Variants in SPTBN5 observed in about 807,000 individuals in gnomAD.
SPTBN5 encodes the protein spectrin beta, non-erythrocytic 5, also known as spectrin beta chain, non-erythrocytic 5.
SPTBN5 carries 513 observed loss-of-function variants against 477.6 expected under a neutral mutation model. The ratio of observed to expected loss-of-function variants is 1.07; its 90% CI spans 1.00 to 1.16. The LOEUF (loss-of-function observed/expected upper bound fraction) is 1.16. SPTBN5 is among the 50% of genes most tolerant of loss of function. The pLI, the probability that SPTBN5 is intolerant of heterozygous loss-of-function variation, is 0.00. For missense variants in SPTBN5, 5,062 were observed against 4,731.8 expected, an observed-to-expected ratio of 1.07 and a Z score of -2.05; for synonymous variants, 2,169 against 2,011.7, an observed-to-expected ratio of 1.08 and a Z score of -2.09.
Position 41,858,956 on chromosome 15 carries a change from G to C in SPTBN5, c.8013C>G (p.Ala2671=). 6.3e-7 allele frequency: 1 copy of C among 1,581,704 alleles called. No individual in the cohort carries two copies. The highest frequency in any genetic ancestry group is 8.6e-7 in the Non-Finnish European group (1 of 1,162,814). ...CCTCCAGGCGATGGCGGCGGGTCCC[G>C]GCTTGCCTGAAGAGCGCCTCCTTCC... The part of the protein sequence containing the change: ...LLRKEALFRQ[A]GTRRHRLEEL... The change falls in exon 48 of 68, where the codon GCC becomes GCG. Residue 2671 remains alanine, a synonymous_variant. Coordinates refer to ENST00000320955, the MANE Select transcript of SPTBN5 (RefSeq NM_016642.4).
chr15:41,888,010 T>C lies in SPTBN5; in HGVS notation c.577A>G (p.Ser193Gly), dbSNP rs975220535. The change falls in exon 5 of 68, where the codon AGC becomes GGC. Residue 193 changes from serine (S) to glycine (G), a missense_variant. Ser to Gly is a moderately conservative substitution (Grantham distance 56). Transcript: ENST00000320955. ...TCTGTAATGTTCACGTTGGTGTAGC[T>C]GGCTGTCTTCCGCTGGCACCAGACC... ...LLVWCQRKTA[S>G]YTNVNITDFS... 3 of 1,599,132 alleles carry C rather than the reference T, an allele frequency of 1.9e-6. No individual in the cohort carries two copies. Among genetic ancestry groups the C allele is most frequent in the Non-Finnish European group, 2.6e-6 (3 of 1,173,266 alleles).
Position 41,848,536 on chromosome 15 carries a change from C to CTGTAGCTGAGTCTTA in SPTBN5, c.*65_*79dup. ...CAGCCACGGGAAGGAGCCCTTTTGC[C>CTGTAGCTGAGTCTTA]TGTAGCTGAGTCTTATTCTGGTCCC... is the stretch of plus-strand genomic sequence containing the variant. On this transcript the variant is annotated 3_prime_UTR_variant, in exon 68 of 68. Coordinates refer to ENST00000320955, the MANE Select transcript of SPTBN5 (RefSeq NM_016642.4). The CTGTAGCTGAGTCTTA allele has an allele frequency of 6.4e-7, 1 of 1,563,584 alleles. No individual in the cohort carries two copies.
intron 33 of SPTBN5, 37 bp downstream of exon 33, chr15:41,868,361 G>T: frequency 6.3e-7 from 1 of 1,584,170 alleles, no homozygotes; most frequent in Non-Finnish European, 8.6e-7. Context: ...GGCTTGGTCA[G>T]CTAGGGTATG....
chr15:41,892,705 C>T (rs1331039540), intron 3 of SPTBN5, 189 bp downstream of exon 3: 4 of 608,882 alleles, frequency 6.6e-6, no homozygotes. Flanking sequence ...TGGGTGCTCT[C>T]CAAGTCAGGG....
intron 49 of SPTBN5, 33 bp downstream of exon 49, chr15:41,858,569 T>A (rs1435252250): frequency 1.9e-6 from 3 of 1,599,858 alleles, no homozygotes; most frequent in Non-Finnish European, 2.6e-6. Flanking sequence ...CCTGGAGAGC[T>A]GTCCCACCAC....
rs200644437 is a variant in SPTBN5 at position 41,851,841 on chromosome 15, C to T, written c.10594G>A (p.Gly3532Ser). Residue 3532 changes from glycine (G) to serine (S), a missense_variant, in exon 63 of 68, where the codon GGT becomes AGT. Transcript: ENST00000320955. ...AETRDPQDAK[G>S]TPTMEGSLEF... Reference sequence around the variant, plus strand: ...AAAGACCCCTCCATGGTGGGGGTACCCTTTGCATCCTGAAAATGCAAGATG... The same window carrying T: ...AAAGACCCCTCCATGGTGGGGGTACTCTTTGCATCCTGAAAATGCAAGATG... 9.8e-5 allele frequency: 157 copies of T among 1,609,172 alleles called. No individual in the cohort carries two copies. Among genetic ancestry groups the T allele is most frequent in the Admixed American group, 2.3e-4 (14 of 59,740 alleles).
At position 41,866,238 on chromosome 15, in the gene SPTBN5, A is replaced by G. The variant is rs1043179668; in HGVS notation, c.6631-9T>C. The G allele has an allele frequency of 2.5e-6, 4 of 1,587,906 alleles. No homozygotes were observed. Among genetic ancestry groups the G allele is most frequent in the Non-Finnish European group, 3.4e-6 (4 of 1,168,492 alleles). On this transcript the variant is annotated splice_polypyrimidine_tract_variant and intron_variant, in intron 37 of 67. Transcript: ENST00000320955. ...AGGAGAGCCTCTCCCTTCTGGAGGG[A>G]GAGAGGGGACACAGGACATCTTGCC...
Position 41,851,776 on chromosome 15 carries a change from C to T in SPTBN5, c.10656+3G>A, listed in dbSNP as rs757242961. The T allele has an allele frequency of 4.4e-6, 7 of 1,607,792 alleles. No homozygotes were observed. The African/African-American group carries it at 8.0e-5, about 18-fold the overall frequency. On this transcript the variant is annotated splice_donor_region_variant and intron_variant, in intron 63 of 67. Coordinates refer to ENST00000320955, the MANE Select transcript of SPTBN5 (RefSeq NM_016642.4). ...CCTGGAGAAGGAATCTCCAGGCACTCACCTGCCTCCCGCCAGGCAGCAGGT... is the reference window on the plus strand; with the variant it reads ...CCTGGAGAAGGAATCTCCAGGCACTTACCTGCCTCCCGCCAGGCAGCAGGT...
At position 41,867,144 on chromosome 15, in the gene SPTBN5, A is replaced by G. The variant is rs781445039; in HGVS notation, c.6313-18T>C. On this transcript the variant is annotated intron_variant, in intron 35 of 67. Transcript: ENST00000320955. ...GCTGCCTCCTGTGGGGCAGGGGCAC[A>G]GCTGCTGCTCTCCCACCCTGGGCTG... is the stretch of plus-strand genomic sequence containing the variant. The G allele has an allele frequency of 4.6e-6, 7 of 1,516,178 alleles. No homozygotes were observed. The South Asian group carries it at 6.2e-5, about 13-fold the overall frequency. 93.9% of individuals were successfully genotyped at this position (1,516,178 alleles called of 1,614,324 possible). A position where few individuals can be genotyped will look rare whatever the true frequency, so the allele number is the denominator to read the frequency against.
At chr15:41,851,004 C>G in intron 65 of SPTBN5, 55 bp downstream of exon 65, 1 of 1,591,918 alleles carries the variant, frequency 6.3e-7, no homozygotes, top group Non-Finnish European at 8.5e-7. Context: ...CTCCAGCCCC[C>G]GCTGAGCCAG....
chr15:41,853,436 T>C lies in SPTBN5; in HGVS notation c.9992A>G (p.Gln3331Arg). The C allele has an allele frequency of 1.3e-6, 2 of 1,583,462 alleles. No individual in the cohort carries two copies. Among genetic ancestry groups the C allele is most frequent in the South Asian group, 2.3e-5 (2 of 88,784 alleles). ...GGAGGACGCCAGCTCCTGCCTCTCC[T>C]GTGCCCATGCTCTGTGGGGCAGGGA... ...GRCQELLAWA[Q>R]ERQELASSEE... The change falls in exon 59 of 68, where the codon CAG becomes CGG. Residue 3331 changes from glutamine to arginine, a missense_variant. Physicochemically the swap from Gln to Arg is conservative, Grantham distance 43. Transcript: ENST00000320955.
chr15:41,848,838 A>G (rs1287714374), intron 67 of SPTBN5, among the ~76,000 whole-genome samples: 2 of 151,770 alleles, frequency 1.3e-5, no homozygotes, highest in Admixed American at 6.6e-5. Flanking sequence ...TCATAACCCA[A>G]CTCTACGTCT....
chr15:41,849,765 C>G, intron 67 of SPTBN5, 104 bp downstream of exon 67: 1 of 880,768 alleles, frequency 1.1e-6, no homozygotes, highest in South Asian at 1.5e-5. Context: ...TACAGCCCAA[C>G]AGAGTAAGTC....
rs2065934980 is a variant in SPTBN5 at position 41,856,571 on chromosome 15, CGT to C, written c.8834_8835del (p.His2945ArgfsTer62). 6.3e-7 allele frequency: 1 copy of C among 1,594,518 alleles called. No individual in the cohort carries two copies. The highest frequency in any genetic ancestry group is 2.3e-5 in the East Asian group (1 of 44,340). ...HQNLESEMSSHEALTRVVLGT... is the reference protein window; with the variant it reads ...HQNLESEMSSXEALTRVVLGT... ...CCCAGCACCACCCGGGTCAGAGCCTCGTGGCTGCTCATCTCACTCTCCAGGTT... is the reference window on the plus strand; with the variant it reads ...CCCAGCACCACCCGGGTCAGAGCCTCGGCTGCTCATCTCACTCTCCAGGTT... On this transcript the variant is annotated frameshift_variant, in exon 53 of 68. Transcript: ENST00000320955. LOFTEE classifies it high-confidence loss of function.
At chr15:41,867,186 G>T (rs758879038) in intron 35 of SPTBN5, 60 bp from the exon 36 acceptor site, 59 of 1,470,192 alleles carry the variant, frequency 4.0e-5, no homozygotes, top group Non-Finnish European at 5.3e-5. Context: ...GGCCTGGCCT[G>T]CAGGGCTCAC....
chr15:41,883,513 C>T, intron 7 of SPTBN5, 27 bp from the exon 8 acceptor site: 1 of 1,609,240 alleles, frequency 6.2e-7, no homozygotes, highest in East Asian at 2.2e-5. Context: ...TAAGGGAGAT[C>T]TCCTCTGGGT....
intron 46 of SPTBN5, 149 bp downstream of exon 46, chr15:41,861,270 C>T: frequency 1.5e-6 from 1 of 689,344 alleles, no homozygotes; most frequent in Non-Finnish European, 2.6e-6. Flanking sequence ...GGGTAAGTAA[C>T]TGCCCAGTGA....
chr15:41,852,556 C>G (rs1254910854), intron 61 of SPTBN5, 78 bp downstream of exon 61: 1 of 1,495,834 alleles, frequency 6.7e-7, no homozygotes, highest in Non-Finnish European at 9.3e-7. Context: ...GGCTCAGTGC[C>G]CTGGGAGACA....
chr15:41,858,867 C>T lies in SPTBN5; in HGVS notation c.8079+23G>A, dbSNP rs1212667580. 4 of 1,560,776 alleles carry T rather than the reference C, an allele frequency of 2.6e-6. No individual in the cohort carries two copies. In the African/African-American group the frequency reaches 5.4e-5, roughly 21 times the overall value. On this transcript the variant is annotated intron_variant, in intron 48 of 67. Coordinates refer to ENST00000320955, the MANE Select transcript of SPTBN5 (RefSeq NM_016642.4). ...TCGACTCCTTCCCCACCATGACCGC[C>T]TCCCTCTCCAAGCGAGGCGAACCTC...
Sources: allele counts gnomAD v4.1 joint callset (sites outside exome capture counted in the v4.1 genomes callset), GRCh38; gene constraint gnomAD v4.1.1; transcripts MANE v1.5; gene names NCBI Gene and HGNC (gene_info 2026-07-23, HGNC 2026-07-21).